PTPN22: variants seen among roughly 807,000 people sequenced by gnomAD.
PTPN22 encodes tyrosine-protein phosphatase non-receptor type 22.
PTPN22 carries 85 observed loss-of-function variants against 103.3 expected under a neutral mutation model. The observed-to-expected ratio is 0.82, with a 90% CI of 0.69 to 0.99. The LOEUF (loss-of-function observed/expected upper bound fraction) is 0.99, where lower values mean the gene tolerates loss of function less well. PTPN22 is among the 50% of genes least tolerant of loss of function. PTPN22 has a pLI of 0.00. For synonymous variants in PTPN22, 323 were observed against 310.2 expected (o/e 1.04, Z -0.43); for missense variants, 865 against 936.9 (o/e 0.92, Z 1.00).
intron 19 of PTPN22, 82 bp downstream of exon 19, chr1:113,825,060 C>T: frequency 1.1e-6 from 1 of 894,154 alleles, no homozygotes; most frequent in Non-Finnish European, 1.6e-6. Context: ...TATTGTTAAT[C>T]TTTTCACAAT....
At chr1:113,825,962 C>T (rs929695554) in intron 18 of PTPN22, among the ~76,000 whole-genome samples, 3 of 152,124 alleles carry the variant, frequency 2.0e-5, no homozygotes, top group African/African-American at 7.2e-5. Flanking sequence ...ACCTACCTGC[C>T]TTGGCCTTCC....
chr1:113,845,564 A>G (rs1663988497), intron 11 of PTPN22, among the ~76,000 whole-genome samples: 1 of 152,114 alleles, frequency 6.6e-6, no homozygotes, highest in South Asian at 2.1e-4. Flanking sequence ...GATATACTCT[A>G]TCTTGATATA....
chr1:113,851,750 C>A (rs902442144), intron 10 of PTPN22, among the ~76,000 whole-genome samples: 5 of 152,158 alleles, frequency 3.3e-5, no homozygotes, highest in African/African-American at 1.2e-4. Flanking sequence ...AATACTTTTA[C>A]AACATCCTTT....
chr1:113,822,166 C>G (rs1426681698), intron 19 of PTPN22, among the ~76,000 whole-genome samples: 2 of 152,084 alleles, frequency 1.3e-5, no homozygotes, highest in Non-Finnish European at 2.9e-5. Flanking sequence ...CAGTAAATTC[C>G]CCTTTTCTGC....
At chr1:113,841,934 A>G (rs552607465) in intron 11 of PTPN22, among the ~76,000 whole-genome samples, 1 of 152,176 alleles carries the variant, frequency 6.6e-6, no homozygotes, top group East Asian at 1.9e-4. Flanking sequence ...TCTGGGCACC[A>G]TGGCTCATGC....
chr1:113,871,622 A>G (rs1001166306), exon 1 of PTPN22: 1 of 1,613,908 alleles, frequency 6.2e-7, no homozygotes. Context: ...TCTTTGGTCC[A>G]TGCTGCAGAG....
At chr1:113,862,277 C>A (rs530156130) in intron 1 of PTPN22, among the ~76,000 whole-genome samples, 1 of 151,088 alleles carries the variant, frequency 6.6e-6, no homozygotes, top group Non-Finnish European at 1.5e-5. Flanking sequence ...TGTGAGACTC[C>A]GCCTCAAAAA....
chr1:113,835,476 C>T (rs1042092784), intron 13 of PTPN22, among the ~76,000 whole-genome samples: 1 of 152,084 alleles, frequency 6.6e-6, no homozygotes, highest in African/African-American at 2.4e-5. Flanking sequence ...CGAGATTGCA[C>T]CACTGCATTC....
intron 1 of PTPN22, among the ~76,000 whole-genome samples, chr1:113,863,520 G>A (rs1026420588): frequency 2.6e-5 from 4 of 152,170 alleles, no homozygotes; most frequent in Non-Finnish European, 5.9e-5. Context: ...TTCTGGTGGT[G>A]GCATTTTTAA....
At chr1:113,815,007 T>A (rs1661044050) in intron 20 of PTPN22, 38 bp from the exon 21 acceptor site, 1 of 1,460,346 alleles carries the variant, frequency 6.8e-7, no homozygotes, top group Non-Finnish European at 9.5e-7. Context: ...AAGAAAGATG[T>A]TTTAAGTATA....
chr1:113,821,544 A>G (rs1558015583), intron 19 of PTPN22, among the ~76,000 whole-genome samples: 2 of 152,082 alleles, frequency 1.3e-5, no homozygotes, highest in East Asian at 3.9e-4. Flanking sequence ...GGCTGGTCTC[A>G]AACTCCTGAC....
At chr1:113,849,593 T>A (rs760014958) in intron 10 of PTPN22, among the ~76,000 whole-genome samples, 3 of 125,474 alleles carry the variant, frequency 2.4e-5, no homozygotes, top group South Asian at 4.7e-4. Flanking sequence ...TTTATTTATT[T>A]ATTTTTTTTT....
intron 1 of PTPN22, among the ~76,000 whole-genome samples, chr1:113,867,218 TACTA>T (rs544596654): frequency 4.8e-4 from 73 of 152,350 alleles, no homozygotes; most frequent in South Asian, 3.7e-3. Context: ...GTAGAAACTA[TACTA>T]ACTATGTCCT....
At chr1:113,860,594 C>T (rs535610433) in intron 1 of PTPN22, among the ~76,000 whole-genome samples, 1 of 152,144 alleles carries the variant, frequency 6.6e-6, no homozygotes, top group Non-Finnish European at 1.5e-5. Flanking sequence ...CATATTTTTA[C>T]TTCAAGATGG....
At chr1:113,859,455 C>T (rs369424189) in exon 2 of PTPN22, 1 of 1,610,120 alleles carries the variant, frequency 6.2e-7, no homozygotes, top group Non-Finnish European at 8.5e-7. Context: ...ATTGCCTTTT[C>T]AGCTTCTGTA....
chr1:113,864,978 G>A (rs758290546), intron 1 of PTPN22, among the ~76,000 whole-genome samples: 6 of 152,148 alleles, frequency 3.9e-5, no homozygotes, highest in Non-Finnish European at 7.3e-5. Flanking sequence ...TGTTCAAGGC[G>A]GAGGTAACAA....
chr1:113,823,056 C>T (rs1661751726), intron 19 of PTPN22: 1 of 152,198 alleles, frequency 6.6e-6, no homozygotes, highest in Non-Finnish European at 1.5e-5. Context: ...TAGCATTTAT[C>T]ATGTGTTATT....
At chr1:113,865,841 GT>G (rs759671546) in intron 1 of PTPN22, among the ~76,000 whole-genome samples, 1 of 152,284 alleles carries the variant, frequency 6.6e-6, no homozygotes, top group South Asian at 2.1e-4. Flanking sequence ...GTCTCAGGAA[GT>G]TTATATACTT....
At chr1:113,836,169 G>A (rs1663003953) in intron 13 of PTPN22, among the ~76,000 whole-genome samples, 1 of 152,136 alleles carries the variant, frequency 6.6e-6, no homozygotes, top group Non-Finnish European at 1.5e-5. Context: ...TAGAGCAAAA[G>A]TTTTCTCCAC....
Sources: gnomAD v4.1 joint callset for allele counts (sites outside exome capture counted in the v4.1 genomes callset) on GRCh38, gnomAD v4.1.1 for gene constraint, MANE v1.5 for transcripts, NCBI Gene and HGNC (gene_info 2026-07-23, HGNC 2026-07-21) for gene names.